Variants in MAP2 observed in about 807,000 individuals in gnomAD.
MAP2 encodes microtubule-associated protein 2.
A neutral mutation model predicts 137.6 loss-of-function variants in MAP2; 14 were observed. That is an observed-to-expected ratio of 0.10 (90% CI 0.07 to 0.16). The LOEUF (loss-of-function observed/expected upper bound fraction) is 0.16. MAP2 is among the 10% of genes least tolerant of loss of function. MAP2 has a pLI of 1.00. For missense variants in MAP2, 2,088 were observed against 2,191.5 expected (o/e 0.95, Z 0.94); for synonymous variants, 786 against 782.3 (o/e 1.00, Z -0.08).
rs2153717411 is a variant in MAP2 at position 209,693,298 on chromosome 2, T to G, written c.1128T>G (p.Pro376=). 4 of 1,613,880 alleles carry G rather than the reference T, an allele frequency of 2.5e-6. No individual in the cohort carries two copies. The East Asian group carries it at 8.9e-5, about 36-fold the overall frequency. Residue 376 remains proline (P), a synonymous_variant, in exon 8 of 16, where the codon CCT becomes CCG. Coordinates refer to ENST00000682079, the MANE Select transcript of MAP2 (RefSeq NM_001375505.1). Reference sequence around the variant, plus strand: ...TTGAAGAGCCCCATGAGGCTAAACCTGACAAAATGGCAGAAGCACCACCCT... The same window carrying G: ...TTGAAGAGCCCCATGAGGCTAAACCGGACAAAATGGCAGAAGCACCACCCT... ...FKIEEPHEAK[P]DKMAEAPPSE... is the part of the protein sequence containing the mutation.
intron 4 of MAP2, among the ~76,000 whole-genome samples, chr2:209,641,482 T>C (rs1408114295): frequency 6.6e-6 from 1 of 151,812 alleles, no homozygotes; most frequent in Non-Finnish European, 1.5e-5. Context: ...GGGTCAAAGT[T>C]TATTTGTTCA....
At position 209,693,234 on chromosome 2, in the gene MAP2, A is replaced by G. The variant is rs757537523; in HGVS notation, c.1064A>G (p.Gln355Arg). 5 of 1,613,988 alleles carry G rather than the reference A, an allele frequency of 3.1e-6. No individual in the cohort carries two copies. Among genetic ancestry groups the G allele is most frequent in the Non-Finnish European group, 4.2e-6 (5 of 1,179,964 alleles). Residue 355 changes from glutamine (Q) to arginine (R), a missense_variant, in exon 8 of 16, where the codon CAA (glutamine) becomes CGA (arginine). Gln to Arg is a conservative substitution (Grantham distance 43). Around this residue, in one of 6 missense-constraint regions of MAP2, gnomAD observed 859 missense variants for 794.5 expected, o/e 1.08. Transcript: ENST00000682079. ...CCAGATGACAAAAAATCTCTGCAAC[A>G]AACCAGTGGCCCAGCTACTGCCAAA... ...LQPDDKKSLQQTSGPATAKDS... is the reference protein window; with the variant it reads ...LQPDDKKSLQRTSGPATAKDS...
intron 3 of MAP2, among the ~76,000 whole-genome samples, chr2:209,614,459 C>A (rs1559411869): frequency 6.6e-6 from 1 of 152,100 alleles, no homozygotes; most frequent in African/African-American, 2.4e-5. Flanking sequence ...AATGATATAT[C>A]ATCATGTATA....
intron 3 of MAP2, among the ~76,000 whole-genome samples, chr2:209,584,861 ACT>A (rs1190914814): frequency 6.6e-6 from 1 of 152,118 alleles, no homozygotes; most frequent in African/African-American, 2.4e-5. Flanking sequence ...CTCAAAGGTG[ACT>A]CTGAAATTTG....
At chr2:209,504,072 G>A (rs964454620) in intron 1 of MAP2, among the ~76,000 whole-genome samples, 2 of 150,534 alleles carry the variant, frequency 1.3e-5, no homozygotes, top group Non-Finnish European at 3.0e-5. Context: ...CTCCAGCCTG[G>A]TTGACAGAGC....
At chr2:209,551,970 A>G (rs150794628) in intron 2 of MAP2, among the ~76,000 whole-genome samples, 196 of 152,328 alleles carry the variant, frequency 1.3e-3, no homozygotes, top group Non-Finnish European at 2.0e-3. Context: ...GCCCCACTCA[A>G]TATACCATAC....
chr2:209,702,530 A>G (rs1040661811), intron 11 of MAP2, among the ~76,000 whole-genome samples: 1 of 151,698 alleles, frequency 6.6e-6, no homozygotes, highest in African/African-American at 2.4e-5. Context: ...GGTACATATT[A>G]GTTGTATATA....
intron 5 of MAP2, among the ~76,000 whole-genome samples, chr2:209,677,990 T>C (rs1489586359): frequency 6.6e-6 from 1 of 152,050 alleles, no homozygotes; most frequent in Non-Finnish European, 1.5e-5. Flanking sequence ...TTTTAAATAA[T>C]GGTATTTCTG....
intron 2 of MAP2, among the ~76,000 whole-genome samples, chr2:209,557,346 C>G (rs1289623338): frequency 6.6e-6 from 1 of 152,132 alleles, no homozygotes; most frequent in Non-Finnish European, 1.5e-5. Flanking sequence ...CGTTACCTGT[C>G]TGGTAAGAAG....
At chr2:209,597,090 G>A (rs997770083) in intron 3 of MAP2, among the ~76,000 whole-genome samples, 1 of 152,150 alleles carries the variant, frequency 6.6e-6, no homozygotes, top group African/African-American at 2.4e-5. Flanking sequence ...CTTAAATGGA[G>A]TAAGTGTGCT....
intron 3 of MAP2, among the ~76,000 whole-genome samples, chr2:209,589,226 G>T (rs898902223): frequency 1.3e-5 from 2 of 152,030 alleles, no homozygotes; most frequent in African/African-American, 2.4e-5. Flanking sequence ...TCTAAGACGT[G>T]GTGTTCCAAA....
At chr2:209,549,058 A>C (rs150269502) in intron 2 of MAP2, among the ~76,000 whole-genome samples, 1 of 152,226 alleles carries the variant, frequency 6.6e-6, no homozygotes, top group African/African-American at 2.4e-5. Context: ...TCTTTGCCCT[A>C]TAGTCACAAG....
chr2:209,470,686 C>A (rs1165475324), intron 1 of MAP2, among the ~76,000 whole-genome samples: 2 of 152,150 alleles, frequency 1.3e-5, no homozygotes, highest in East Asian at 3.9e-4. Flanking sequence ...AGCTCCCATG[C>A]ACCATGTACT....
intron 3 of MAP2, among the ~76,000 whole-genome samples, chr2:209,597,510 A>G (rs1371130538): frequency 2.6e-5 from 4 of 152,144 alleles, no homozygotes; most frequent in South Asian, 2.1e-4. Flanking sequence ...ACAGCTTCCT[A>G]TATCAACCCT....
At chr2:209,571,270 C>G (rs1283597751) in intron 2 of MAP2, among the ~76,000 whole-genome samples, 1 of 151,864 alleles carries the variant, frequency 6.6e-6, no homozygotes, top group Non-Finnish European at 1.5e-5. Context: ...TATGAAGGTA[C>G]ATTACATTAA....
At position 209,694,048 on chromosome 2, in the gene MAP2, C is replaced by G; in HGVS notation, c.1878C>G (p.Ser626=). 1.2e-6 allele frequency: 2 copies of G among 1,613,248 alleles called. No homozygotes were observed. The highest frequency in any genetic ancestry group is 1.7e-6 in the Non-Finnish European group (2 of 1,179,718). ...AGGAGTTTCAAACAGGAAAAGAATC[C>G]CAGCCCAGTCCTCCAGCACAAGAAG... ...GDKEFQTGKE[S]QPSPPAQEAG... Residue 626 remains serine (S), a synonymous_variant, in exon 8 of 16, where the codon TCC becomes TCG. Transcript: ENST00000682079.
intron 4 of MAP2, among the ~76,000 whole-genome samples, chr2:209,644,656 G>A (rs1351205949): frequency 2.9e-5 from 4 of 140,106 alleles, no homozygotes; most frequent in South Asian, 2.4e-4. Flanking sequence ...GGGCAACGAC[G>A]TGGGACCCTG....
chr2:209,625,494 C>T (rs961761360), intron 4 of MAP2, among the ~76,000 whole-genome samples: 64 of 152,114 alleles, frequency 4.2e-4, no homozygotes, highest in Non-Finnish European at 8.5e-4. Flanking sequence ...AATTCATTTA[C>T]TTCTTACAAC....
At chr2:209,461,472 C>T (rs894141560) in intron 1 of MAP2, among the ~76,000 whole-genome samples, 2 of 148,578 alleles carry the variant, frequency 1.3e-5, no homozygotes, top group Non-Finnish European at 3.0e-5. Context: ...TTTTTTTTTT[C>T]GAGACGGAGT....
Sources: allele counts gnomAD v4.1 joint callset (sites outside exome capture counted in the v4.1 genomes callset), GRCh38; gene constraint gnomAD v4.1.1; regional missense constraint gnomAD v4.1.1; transcripts MANE v1.5; gene names NCBI Gene and HGNC (gene_info 2026-07-23, HGNC 2026-07-21).